Variants in MCMBP observed in about 807,000 individuals in gnomAD.
MCMBP encodes mini-chromosome maintenance complex-binding protein.
Under a neutral mutation model 81.3 loss-of-function variants are expected in MCMBP, and 31 were observed. The observed-to-expected ratio is 0.38, with a 90% CI of 0.29 to 0.51. The LOEUF is 0.51. Ranked by LOEUF, MCMBP falls within the 20% of genes least tolerant of loss-of-function variation. MCMBP has a pLI of 0.87. For synonymous variants in MCMBP, 267 were observed against 275.9 expected, an observed-to-expected ratio of 0.97 and a Z score of 0.32; for missense variants, 645 against 772.1, an observed-to-expected ratio of 0.84 and a Z score of 1.95.
At chr10:119,858,954 T>C (rs1471104294) in intron 3 of MCMBP, 29 bp from the exon 4 acceptor site, 1 of 1,610,310 alleles carries the variant, frequency 6.2e-7, no homozygotes, top group African/African-American at 1.3e-5. Flanking sequence ...AAAAACAGAA[T>C]TATATCAATA....
chr10:119,866,319 T>C (rs1038878573), intron 1 of MCMBP, among the ~76,000 whole-genome samples: 3 of 151,826 alleles, frequency 2.0e-5, no homozygotes, highest in Admixed American at 2.0e-4. Context: ...GGGTTTCTTT[T>C]TGGAGTGATG....
intron 11 of MCMBP, among the ~76,000 whole-genome samples, chr10:119,840,396 A>C (rs1311329956): frequency 6.6e-6 from 1 of 152,226 alleles, no homozygotes; most frequent in Non-Finnish European, 1.5e-5. Context: ...ACCACCACGC[A>C]AATACTGCAT....
chr10:119,857,537 G>T, intron 4 of MCMBP, 98 bp from the exon 5 acceptor site: 1 of 614,674 alleles, frequency 1.6e-6, no homozygotes, highest in South Asian at 2.6e-5. Flanking sequence ...TAACACCACA[G>T]CAAATATTTT....
chr10:119,837,052 T>A, intron 12 of MCMBP, 23 bp from the exon 13 acceptor site: 1 of 1,609,278 alleles, frequency 6.2e-7, no homozygotes, highest in South Asian at 1.1e-5. Flanking sequence ...GAAAACACTT[T>A]CAGTCATTTG....
chr10:119,834,468 T>C (rs1237456476), intron 14 of MCMBP, among the ~76,000 whole-genome samples: 1 of 152,050 alleles, frequency 6.6e-6, no homozygotes, highest in Non-Finnish European at 1.5e-5. Context: ...CCAAGAATTC[T>C]ACATCCAGCA....
At chr10:119,867,289 T>A (rs1853499307) in intron 1 of MCMBP, among the ~76,000 whole-genome samples, 1 of 57,484 alleles carries the variant, frequency 1.7e-5, no homozygotes, top group African/African-American at 8.3e-5. Context: ...CGAGACTCCA[T>A]CTCAAAAAAA....
At chr10:119,864,303 T>C (rs1853371586) in intron 1 of MCMBP, among the ~76,000 whole-genome samples, 1 of 152,238 alleles carries the variant, frequency 6.6e-6, no homozygotes, top group Non-Finnish European at 1.5e-5. Flanking sequence ...TAAAAACCTT[T>C]TGTTTTAAAG....
rs150506551 is a variant in MCMBP at position 119,847,645 on chromosome 10, A to G, written c.795T>C (p.Asp265=). 936 of 1,611,268 alleles carry G rather than the reference A, an allele frequency of 5.8e-4. 1 individual carries two copies. Among genetic ancestry groups the G allele is most frequent in the Non-Finnish European group, 7.2e-4 (851 of 1,178,238 alleles). The change falls in exon 8 of 16, where the codon GAT becomes GAC. Residue 265 remains aspartate, a synonymous_variant. Coordinates refer to ENST00000369077, the MANE Select transcript of MCMBP (RefSeq NM_001256378.2). ...CATTATTCAGTATACTCAGCACAGG[A>G]TCCACAGACAGTATGCCATATAGCT... ...ILELYGILSV[D]PVLSILNNDE... is the part of the protein sequence containing the mutation.
At chr10:119,850,318 T>A (rs907451414) in intron 6 of MCMBP, among the ~76,000 whole-genome samples, 2 of 152,086 alleles carry the variant, frequency 1.3e-5, no homozygotes, top group Non-Finnish European at 2.9e-5. Flanking sequence ...GTTGCTAGGG[T>A]CTAGAGACTT....
Position 119,830,552 on chromosome 10 carries a change from T to G in MCMBP, c.*922A>C. 1 of 152,336 alleles carries G rather than the reference T, an allele frequency of 6.6e-6. No individual in the cohort carries two copies. The highest frequency in any genetic ancestry group is 3.4e-3 in the Middle Eastern group (1 of 294). The allele number at this position is 152,336 out of a possible 1,614,324, so 9.4% of individuals were successfully genotyped here. A position where few individuals can be genotyped will look rare whatever the true frequency, so the allele number is the denominator to read the frequency against. On this transcript the variant is annotated 3_prime_UTR_variant, in exon 16 of 16. Coordinates refer to ENST00000369077, the MANE Select transcript of MCMBP (RefSeq NM_001256378.2). ...ACTTTCTAAAGGGGGTATTGCTTTT[T>G]AAGTTTCCTATTTTGTTTTCATATT...
At chr10:119,838,510 G>C in intron 12 of MCMBP, 25 bp downstream of exon 12, 1 of 1,592,014 alleles carries the variant, frequency 6.3e-7, no homozygotes, top group Non-Finnish European at 8.6e-7. Context: ...AGTCAGAAAT[G>C]GAAGAGAAAC....
Position 119,853,107 on chromosome 10 carries a change from C to G in MCMBP, c.517G>C (p.Asp173His), listed in dbSNP as rs777017737. The G allele has an allele frequency of 6.2e-7, 1 of 1,614,176 alleles. No homozygotes were observed. Among genetic ancestry groups the G allele is most frequent in the Admixed American group, 1.7e-5 (1 of 60,016 alleles). The change falls in exon 6 of 16, where the codon GAT becomes CAT. Residue 173 changes from aspartate (D) to histidine (H), a missense_variant. Physicochemically the swap from Asp to His is moderately conservative, Grantham distance 81. Coordinates refer to ENST00000369077, the MANE Select transcript of MCMBP (RefSeq NM_001256378.2). ...RHKRSYEDDD[D>H]MDLQPNKQKD... ...TGCTTATTGGGCTGTAGGTCCATAT[C>G]GTCATCATCTTCATAACTCCTCTTG...
At chr10:119,848,948 T>C (rs1364146620) in intron 7 of MCMBP, among the ~76,000 whole-genome samples, 1 of 152,244 alleles carries the variant, frequency 6.6e-6, no homozygotes, top group Non-Finnish European at 1.5e-5. Context: ...TTTAACTTGT[T>C]AGCTTACATG....
intron 1 of MCMBP, among the ~76,000 whole-genome samples, chr10:119,871,481 T>C (rs1323481968): frequency 6.6e-6 from 1 of 152,194 alleles, no homozygotes; most frequent in Non-Finnish European, 1.5e-5. Flanking sequence ...GCCAGGTAAC[T>C]AAACTAATTA....
intron 2 of MCMBP, 147 bp from the exon 3 acceptor site, chr10:119,859,328 A>C: frequency 1.5e-6 from 1 of 651,048 alleles, no homozygotes; most frequent in Non-Finnish European, 2.4e-6. Context: ...AGAGAGCCAA[A>C]TGATCTCAAT....
At chr10:119,868,480 T>C (rs956742748) in intron 1 of MCMBP, among the ~76,000 whole-genome samples, 3 of 152,186 alleles carry the variant, frequency 2.0e-5, no homozygotes, top group African/African-American at 7.2e-5. Context: ...GCCATTTCAA[T>C]TAACAACATT....
intron 14 of MCMBP, among the ~76,000 whole-genome samples, chr10:119,834,883 A>AAAG (rs1409516103): frequency 1.7e-4 from 26 of 149,966 alleles, no homozygotes; most frequent in African/African-American, 5.4e-4. Context: ...AAAAAAAAAA[A>AAAG]AAGAATTTGC....
chr10:119,866,454 C>T (rs1170399502), intron 1 of MCMBP, among the ~76,000 whole-genome samples: 7 of 152,066 alleles, frequency 4.6e-5, no homozygotes, highest in African/African-American at 7.2e-5. Flanking sequence ...GGTAAAACTC[C>T]GTCTCTACTA....
intron 1 of MCMBP, among the ~76,000 whole-genome samples, chr10:119,864,480 A>C (rs562459614): frequency 3.3e-5 from 5 of 150,382 alleles, no homozygotes; most frequent in East Asian, 1.9e-4. Context: ...TTCTTTTCTA[A>C]TATTGGTAAT....
Sources: gnomAD v4.1 joint callset for allele counts (sites outside exome capture counted in the v4.1 genomes callset) on GRCh38, gnomAD v4.1.1 for gene constraint, MANE v1.5 for transcripts, NCBI Gene and HGNC (gene_info 2026-07-23, HGNC 2026-07-21) for gene names.